Variants in ARHGAP15 observed in about 807,000 individuals in gnomAD.
ARHGAP15 encodes Rho GTPase activating protein 15.
In ARHGAP15, 51 loss-of-function variants were observed where a neutral mutation model predicts 63.7. That is an observed-to-expected ratio of 0.80 (90% CI 0.64 to 1.01). ARHGAP15 has a LOEUF of 1.01. ARHGAP15 is among the 50% of genes least tolerant of loss of function. ARHGAP15 has a pLI of 0.00. For missense variants in ARHGAP15, 560 were observed against 564.6 expected (o/e 0.99, Z 0.08); for synonymous variants, 191 against 193.8 (o/e 0.99, Z 0.12).
intron 6 of ARHGAP15, among the ~76,000 whole-genome samples, chr2:143,416,627 T>C (rs1688690409): frequency 6.6e-6 from 1 of 152,196 alleles, no homozygotes; most frequent in African/African-American, 2.4e-5. Flanking sequence ...CCCTTTCTTT[T>C]GTTTTACTTC....
chr2:143,384,050 G>A (rs1265920297), intron 6 of ARHGAP15, among the ~76,000 whole-genome samples: 2 of 152,130 alleles, frequency 1.3e-5, no homozygotes, highest in Non-Finnish European at 2.9e-5. Flanking sequence ...TTAGGCTCCC[G>A]AGGGTAATTC....
intron 8 of ARHGAP15, among the ~76,000 whole-genome samples, chr2:143,473,379 T>A (rs1691668785): frequency 1.3e-5 from 2 of 152,204 alleles, no homozygotes; most frequent in Non-Finnish European, 2.9e-5. Flanking sequence ...AGCTAAACTT[T>A]CTTTCTGATG....
At chr2:143,174,534 C>T (rs1690934315) in intron 2 of ARHGAP15, among the ~76,000 whole-genome samples, 1 of 152,134 alleles carries the variant, frequency 6.6e-6, no homozygotes, top group Admixed American at 6.6e-5. Flanking sequence ...ATGCTTAGCC[C>T]TACCTATTCT....
chr2:143,636,981 C>G (rs937314515), intron 12 of ARHGAP15, among the ~76,000 whole-genome samples: 2 of 152,134 alleles, frequency 1.3e-5, no homozygotes, highest in Non-Finnish European at 1.5e-5. Context: ...ATTGTGTACT[C>G]AAACACAAGA....
intron 6 of ARHGAP15, among the ~76,000 whole-genome samples, chr2:143,255,392 C>T (rs970886879): frequency 1.6e-4 from 25 of 151,994 alleles, no homozygotes; most frequent in Middle Eastern, 6.8e-3. Flanking sequence ...CAGATTCTGT[C>T]CCTAAAAGTA....
intron 11 of ARHGAP15, among the ~76,000 whole-genome samples, chr2:143,607,313 T>C (rs1698076627): frequency 1.3e-5 from 2 of 152,190 alleles, no homozygotes; most frequent in South Asian, 2.1e-4. Context: ...ATAACACTTA[T>C]CTTTTGACTT....
At chr2:143,216,258 A>G in intron 3 of ARHGAP15, 126 bp from the exon 4 acceptor site, 2 of 663,976 alleles carry the variant, frequency 3.0e-6, no homozygotes, top group South Asian at 2.0e-5. Flanking sequence ...CTATATATGC[A>G]TTATTAATAA....
At chr2:143,760,920 T>C (rs1216364333) in intron 13 of ARHGAP15, among the ~76,000 whole-genome samples, 1 of 152,168 alleles carries the variant, frequency 6.6e-6, no homozygotes, top group East Asian at 1.9e-4. Flanking sequence ...ATATAAAAAA[T>C]GGCTGAATTA....
chr2:143,307,147 C>T (rs1009711081), intron 6 of ARHGAP15, among the ~76,000 whole-genome samples: 4 of 152,076 alleles, frequency 2.6e-5, no homozygotes, highest in Non-Finnish European at 5.9e-5. Flanking sequence ...TATTTTGAGC[C>T]CTTTTTCTGG....
chr2:143,168,174 T>C (rs1690623266), intron 2 of ARHGAP15, among the ~76,000 whole-genome samples: 1 of 152,120 alleles, frequency 6.6e-6, no homozygotes. Flanking sequence ...TATGTATTTA[T>C]TATTTTAGAG....
chr2:143,240,435 A>G (rs2104945547), intron 5 of ARHGAP15, among the ~76,000 whole-genome samples: 1 of 152,284 alleles, frequency 6.6e-6, no homozygotes, highest in African/African-American at 2.4e-5. Flanking sequence ...TGCAAAATGA[A>G]TATGGAATGA....
Position 143,338,679 on chromosome 2 carries a change from A to AG in ARHGAP15, c.474+88081dup, listed in dbSNP as rs1174361749. Among the ~76,000 whole-genome samples the AG allele has an allele frequency of 2.0e-5, 3 of 152,250 alleles. No individual in the cohort carries two copies. In the East Asian group the frequency reaches 5.8e-4, roughly 29 times the overall value. On this transcript the variant is annotated intron_variant, in intron 6 of 13. Coordinates refer to ENST00000295095, the MANE Select transcript of ARHGAP15 (RefSeq NM_018460.4). Reference sequence around the variant, plus strand: ...GTAGCTTTTTCTTGCAAACTCTTTAAGGTAAAATCAACCAAACCAAAACTT... The same window carrying AG: ...GTAGCTTTTTCTTGCAAACTCTTTAAGGGTAAAATCAACCAAACCAAAACTT...
intron 6 of ARHGAP15, among the ~76,000 whole-genome samples, chr2:143,279,630 C>A (rs1212464999): frequency 6.6e-6 from 1 of 152,092 alleles, no homozygotes; most frequent in African/African-American, 2.4e-5. Context: ...TTACAGAATT[C>A]TATCCTTCAA....
At chr2:143,274,215 ATCTGGGCCTTAGTGACTTATCTAAG>A (rs1412028447) in intron 6 of ARHGAP15, among the ~76,000 whole-genome samples, 3 of 152,278 alleles carry the variant, frequency 2.0e-5, no homozygotes, top group Admixed American at 6.5e-5. Context: ...ACTCCTTGTT[ATCTGGGCCTTAGTGACTTATCTAAG>A]TCCTGGCTGT....
At chr2:143,226,505 CTAATAATCTTTCTCTTTTT>C (rs1693219370) in intron 4 of ARHGAP15, among the ~76,000 whole-genome samples, 1 of 152,284 alleles carries the variant, frequency 6.6e-6, no homozygotes, top group Admixed American at 6.5e-5. Flanking sequence ...GACTAGACTT[CTAATAATCTTTCTCTTTTT>C]CCTGTTTGGA....
At chr2:143,298,722 T>C (rs190688846) in intron 6 of ARHGAP15, among the ~76,000 whole-genome samples, 81 of 152,056 alleles carry the variant, frequency 5.3e-4, no homozygotes, top group African/African-American at 1.9e-3. Flanking sequence ...ATAGTGTCTA[T>C]GGATCTCAAT....
intron 8 of ARHGAP15, among the ~76,000 whole-genome samples, chr2:143,474,488 T>C (rs1434418127): frequency 6.6e-6 from 1 of 152,190 alleles, no homozygotes; most frequent in African/African-American, 2.4e-5. Context: ...ACTGGAAGAA[T>C]TGGGCCAGTA....
rs140991555 is a variant in ARHGAP15, at chr2:143,200,481, G to T, written c.166-1653G>T. Among the ~76,000 whole-genome samples the T allele has an allele frequency of 1.5e-3, 234 of 151,288 alleles. 1 individual carries two copies. Among genetic ancestry groups the T allele is most frequent in the African/African-American group, 5.6e-3 (229 of 41,198 alleles). ...AGTAACCAGAACCAAAAACAATAAA[G>T]TCCTTTCCTAGACATAGTACTCAGG... On this transcript the variant is annotated intron_variant, in intron 2 of 13. Coordinates refer to ENST00000295095, the MANE Select transcript of ARHGAP15 (RefSeq NM_018460.4).
chr2:143,574,840 C>T (rs1384602577), intron 11 of ARHGAP15, among the ~76,000 whole-genome samples: 1 of 152,074 alleles, frequency 6.6e-6, no homozygotes, highest in African/African-American at 2.4e-5. Context: ...GGAAAATTTT[C>T]GTTAGAATCC....
Sources: gnomAD v4.1 joint callset for allele counts (sites outside exome capture counted in the v4.1 genomes callset) on GRCh38, gnomAD v4.1.1 for gene constraint, MANE v1.5 for transcripts, NCBI Gene and HGNC (gene_info 2026-07-23, HGNC 2026-07-21) for gene names.